MAPK10: variants seen among roughly 807,000 people sequenced by gnomAD.
The protein encoded by MAPK10 is JNK3 alpha protein kinase.
A neutral mutation model predicts 59.3 loss-of-function variants in MAPK10; 25 were observed. The ratio of observed to expected loss-of-function variants is 0.42; its 90% CI spans 0.31 to 0.59. The LOEUF (loss-of-function observed/expected upper bound fraction) is 0.59. Among genes scored for constraint, MAPK10 ranks in the 20% least tolerant of loss-of-function variants. The probability of loss-of-function intolerance (pLI) is 0.15; values close to 1 mark genes in which losing one functional copy is unlikely to be tolerated. For synonymous variants in MAPK10, 190 were observed against 200.5 expected, an observed-to-expected ratio of 0.95 and a Z score of 0.44; for missense variants, 351 against 568.9, an observed-to-expected ratio of 0.62 and a Z score of 3.90.
intron 2 of MAPK10, among the ~76,000 whole-genome samples, chr4:86,349,027 C>T (rs1302619565): frequency 6.6e-6 from 1 of 152,148 alleles, no homozygotes; most frequent in Admixed American, 6.5e-5. Flanking sequence ...ACATAATATT[C>T]CCAACAGGTT....
chr4:86,147,000 T>C (rs966977697), intron 4 of MAPK10, among the ~76,000 whole-genome samples: 2 of 152,194 alleles, frequency 1.3e-5, no homozygotes, highest in African/African-American at 4.8e-5. Flanking sequence ...AAAAACCCAC[T>C]GAAGGAAAGT....
At chr4:86,494,699 T>C (rs1484992826) in intron 1 of MAPK10, among the ~76,000 whole-genome samples, 3 of 151,498 alleles carry the variant, frequency 2.0e-5, no homozygotes, top group Admixed American at 6.6e-5. Context: ...AAAAACTAGC[T>C]GGCCGTGGTG....
chr4:86,054,929 C>A (rs997293284), intron 11 of MAPK10, among the ~76,000 whole-genome samples: 1 of 152,176 alleles, frequency 6.6e-6, no homozygotes. Context: ...AGTTTATTAA[C>A]TCCATGTGAG....
intron 1 of MAPK10, among the ~76,000 whole-genome samples, chr4:86,437,827 G>A (rs1339773732): frequency 6.6e-6 from 1 of 152,084 alleles, no homozygotes; most frequent in Admixed American, 6.6e-5. Flanking sequence ...GCACAAAACT[G>A]GGGGAAAAGA....
intron 1 of MAPK10, among the ~76,000 whole-genome samples, chr4:86,476,117 C>G (rs893122165): frequency 2.6e-5 from 4 of 152,130 alleles, no homozygotes; most frequent in African/African-American, 9.7e-5. Flanking sequence ...ACCAATGTGA[C>G]TTATCCCAGA....
At chr4:86,236,808 TCAA>T (rs1219072991) in intron 2 of MAPK10, among the ~76,000 whole-genome samples, 2 of 152,054 alleles carry the variant, frequency 1.3e-5, no homozygotes, top group Non-Finnish European at 2.9e-5. Flanking sequence ...AATAGCATCA[TCAA>T]CTAAAATTTC....
chr4:86,434,329 G>A (rs2149043194), intron 1 of MAPK10, among the ~76,000 whole-genome samples: 1 of 152,230 alleles, frequency 6.6e-6, no homozygotes, highest in African/African-American at 2.4e-5. Flanking sequence ...CTTCTGCACA[G>A]CAAAGGAAAC....
chr4:86,107,538 T>C, intron 4 of MAPK10, 186 bp from the exon 5 acceptor site: 1 of 1,222,220 alleles, frequency 8.2e-7, no homozygotes, highest in South Asian at 3.2e-5. Flanking sequence ...TTCTACATGC[T>C]AGGAGGATGA....
At chr4:86,367,768 G>C (rs1050962354) in intron 1 of MAPK10, among the ~76,000 whole-genome samples, 5 of 152,018 alleles carry the variant, frequency 3.3e-5, no homozygotes, top group African/African-American at 1.2e-4. Context: ...TTTTATGAGG[G>C]ATTTTTCTAT....
chr4:86,405,896 A>C (rs1160265807), intron 1 of MAPK10, among the ~76,000 whole-genome samples: 2 of 152,250 alleles, frequency 1.3e-5, no homozygotes, highest in Non-Finnish European at 2.9e-5. Flanking sequence ...CAAACACTAC[A>C]GTAACTCACA....
Position 86,413,105 on chromosome 4 carries a change from G to A in MAPK10, c.-122+39925C>T, listed in dbSNP as rs541574238. Among the ~76,000 whole-genome samples, 3 of 151,566 alleles carry A rather than the reference G, an allele frequency of 2.0e-5. No individual in the cohort carries two copies. In the South Asian group the frequency reaches 6.3e-4, roughly 32 times the overall value. On this transcript the variant is annotated intron_variant, in intron 1 of 13. Coordinates refer to the MAPK10 transcript ENST00000361569. The stretch of plus-strand genomic sequence containing the variant: ...GGGTTTTGGTGTAGATGTCCTTTTT[G>A]TTGATGTTGATGCTATTCCTTTCTG...
At chr4:86,440,163 A>G (rs879172070) in intron 1 of MAPK10, among the ~76,000 whole-genome samples, 1 of 152,226 alleles carries the variant, frequency 6.6e-6, no homozygotes, top group East Asian at 1.9e-4. Context: ...TACTAGCTGA[A>G]TATTTGCCCT....
At chr4:86,482,100 A>G (rs113621271) in intron 1 of MAPK10, among the ~76,000 whole-genome samples, 1 of 152,212 alleles carries the variant, frequency 6.6e-6, no homozygotes, top group African/African-American at 2.4e-5. Context: ...GATACATTTT[A>G]AGTGATTTCA....
intron 1 of MAPK10, among the ~76,000 whole-genome samples, chr4:86,504,460 A>G (rs950886115): frequency 2.6e-5 from 4 of 152,148 alleles, no homozygotes; most frequent in Non-Finnish European, 4.4e-5. Context: ...AAATGTATTA[A>G]TTTATAGTAA....
chr4:86,096,216 T>A (rs2054194106), intron 9 of MAPK10, among the ~76,000 whole-genome samples: 1 of 151,686 alleles, frequency 6.6e-6, no homozygotes, highest in Non-Finnish European at 1.5e-5. Context: ...GATATAAATG[T>A]TATGTATTAA....
chr4:86,067,765 G>A lies in MAPK10; in HGVS notation c.985+8C>T, dbSNP rs759952030. 1.9e-6 allele frequency: 3 copies of A among 1,605,404 alleles called. No homozygotes were observed. The highest frequency in any genetic ancestry group is 2.2e-5 in the South Asian group (2 of 89,290). On this transcript the variant is annotated splice_region_variant and intron_variant, in intron 10 of 13. Coordinates refer to ENST00000641462, the MANE Select transcript of MAPK10 (RefSeq NM_138982.4). ...TAGTTGTCCTCAAGTCATTCCTGAA[G>A]GGCATACCTTTGAGTTTATTGTGCT...
chr4:86,183,246 G>A (rs552950751), intron 3 of MAPK10, among the ~76,000 whole-genome samples: 1 of 151,784 alleles, frequency 6.6e-6, no homozygotes, highest in African/African-American at 2.4e-5. Flanking sequence ...TCAGTAACTC[G>A]TCATTTAACA....
At chr4:86,276,257 C>T (rs1447110051) in intron 2 of MAPK10, among the ~76,000 whole-genome samples, 2 of 151,968 alleles carry the variant, frequency 1.3e-5, no homozygotes, top group Non-Finnish European at 2.9e-5. Context: ...TTTCCTAGTA[C>T]CTATCTTTAC....
intron 2 of MAPK10, among the ~76,000 whole-genome samples, chr4:86,264,702 T>C (rs1026219092): frequency 2.6e-5 from 4 of 152,190 alleles, no homozygotes; most frequent in Non-Finnish European, 5.9e-5. Flanking sequence ...TAAAGGACTA[T>C]GCCAGGGAGG....
Sources: gnomAD v4.1 joint callset for allele counts (sites outside exome capture counted in the v4.1 genomes callset) on GRCh38, gnomAD v4.1.1 for gene constraint, MANE v1.5 for transcripts, NCBI Gene and HGNC (gene_info 2026-07-23, HGNC 2026-07-21) for gene names.